AFF3: variants seen among roughly 807,000 people sequenced by gnomAD.
AFF3 encodes the protein AF4/FMR2 family member 3.
Under a neutral mutation model 129.7 loss-of-function variants are expected in AFF3, and 32 were observed. That is an observed-to-expected ratio of 0.25 (90% CI 0.19 to 0.33). The LOEUF is 0.33. AFF3 is among the 10% of genes least tolerant of loss of function. The pLI, the probability that AFF3 is intolerant of heterozygous loss-of-function variation, is 1.00. For missense variants in AFF3, 1,373 were observed against 1,592.0 expected (o/e 0.86, Z 2.34); for synonymous variants, 644 against 635.4 (o/e 1.01, Z -0.20).
chr2:100,070,206 T>A (rs1688059760), intron 4 of AFF3, among the ~76,000 whole-genome samples: 1 of 107,808 alleles, frequency 9.3e-6, no homozygotes, highest in African/African-American at 4.8e-5. Context: ...GTTTGGGTGG[T>A]TTTATAAAAA....
rs541238011 is a variant in AFF3, at chr2:100,059,672, T to C, written c.53+44730A>G. Among the ~76,000 whole-genome samples, 8 of 152,316 alleles carry C rather than the reference T, an allele frequency of 5.3e-5. No individual in the cohort carries two copies. In the South Asian group the frequency reaches 1.5e-3, roughly 28 times the overall value. The stretch of plus-strand genomic sequence containing the variant: ...TTGTTGTTTTAAAGAAAATGGTATG[T>C]CCTCATTTCTTCCAAATCCAAGGCA... On this transcript the variant is annotated intron_variant, in intron 4 of 24. Coordinates refer to ENST00000672756, the MANE Select transcript of AFF3 (RefSeq NM_001386135.1).
Position 99,917,499 on chromosome 2 carries a change from T to G in AFF3, c.874-79975A>C, listed in dbSNP as rs181715215. Among the ~76,000 whole-genome samples, 947 of 152,326 alleles carry G rather than the reference T, an allele frequency of 6.2e-3. 6 individuals carry two copies. The highest frequency in any genetic ancestry group is 0.011 in the Non-Finnish European group (736 of 68,026). On this transcript the variant is annotated intron_variant, in intron 7 of 24. Transcript: ENST00000672756. Reference sequence around the variant, plus strand: ...CTTTTTGTGTGAGTTCTGCCCTTGCTTCCTGTGTGCTCGCCTTGTCTCCCT... The same window carrying G: ...CTTTTTGTGTGAGTTCTGCCCTTGCGTCCTGTGTGCTCGCCTTGTCTCCCT...
intron 7 of AFF3, among the ~76,000 whole-genome samples, chr2:99,945,341 C>G (rs1675456510): frequency 6.6e-6 from 1 of 152,214 alleles, no homozygotes; most frequent in Non-Finnish European, 1.5e-5. Context: ...CTTGAAGACT[C>G]ATGGCAAATA....
At chr2:99,847,785 C>A (rs1360711227) in intron 7 of AFF3, among the ~76,000 whole-genome samples, 1 of 151,984 alleles carries the variant, frequency 6.6e-6, no homozygotes, top group Non-Finnish European at 1.5e-5. Flanking sequence ...ATAAAGTTAG[C>A]CCCGGGTGAT....
At chr2:99,729,664 T>G (rs1679648599) in intron 10 of AFF3, among the ~76,000 whole-genome samples, 2 of 152,274 alleles carry the variant, frequency 1.3e-5, no homozygotes, top group Admixed American at 1.3e-4. Flanking sequence ...GTCTCTTTAT[T>G]AGGACCCAAG....
At chr2:99,563,857 T>G (rs929717204) in intron 20 of AFF3, among the ~76,000 whole-genome samples, 9 of 151,190 alleles carry the variant, frequency 6.0e-5, no homozygotes, top group African/African-American at 2.2e-4. Flanking sequence ...AGAGCCAAAT[T>G]TGTCTTTTTG....
At chr2:100,032,795 C>T (rs754076754) in intron 4 of AFF3, among the ~76,000 whole-genome samples, 1 of 152,110 alleles carries the variant, frequency 6.6e-6, no homozygotes, top group Non-Finnish European at 1.5e-5. Context: ...TTGCCTATCC[C>T]TGCATCAACA....
chr2:100,046,487 C>T (rs1685846227), intron 4 of AFF3, among the ~76,000 whole-genome samples: 1 of 152,178 alleles, frequency 6.6e-6, no homozygotes, highest in Non-Finnish European at 1.5e-5. Context: ...TTTCGACTGG[C>T]ACTGTTGGAC....
intron 7 of AFF3, among the ~76,000 whole-genome samples, chr2:99,927,146 A>G (rs1696310019): frequency 6.6e-6 from 1 of 152,226 alleles, no homozygotes; most frequent in South Asian, 2.1e-4. Flanking sequence ...CACAAGCCAA[A>G]GCTTGCTTCA....
intron 4 of AFF3, among the ~76,000 whole-genome samples, chr2:100,104,151 G>C (rs1358866142): frequency 6.6e-6 from 1 of 152,128 alleles, no homozygotes; most frequent in Non-Finnish European, 1.5e-5. Flanking sequence ...TGGCTACCTA[G>C]ATCACCAGTC....
At chr2:99,882,218 A>G (rs1692776149) in intron 7 of AFF3, among the ~76,000 whole-genome samples, 1 of 152,174 alleles carries the variant, frequency 6.6e-6, no homozygotes, top group Non-Finnish European at 1.5e-5. Flanking sequence ...AAATGAAGAC[A>G]CAAGTAACTG....
chr2:100,064,125 G>T (rs1687528687), intron 4 of AFF3, among the ~76,000 whole-genome samples: 2 of 135,596 alleles, frequency 1.5e-5, no homozygotes, highest in Non-Finnish European at 3.3e-5. Flanking sequence ...GAAAAGAAAA[G>T]AAAAGAAATT....
At chr2:99,692,159 C>CA (rs2104673597) in intron 11 of AFF3, among the ~76,000 whole-genome samples, 1 of 152,312 alleles carries the variant, frequency 6.6e-6, no homozygotes, top group East Asian at 1.9e-4. Flanking sequence ...CCCTGGCCCA[C>CA]ACCCTTCCTC....
chr2:99,552,639 G>A (rs561676529), intron 24 of AFF3, among the ~76,000 whole-genome samples: 3 of 152,302 alleles, frequency 2.0e-5, no homozygotes, highest in Non-Finnish European at 2.9e-5. Flanking sequence ...GACTTGCTGG[G>A]GCAGGGATGG....
At chr2:99,814,211 A>G (rs1261441948) in intron 8 of AFF3, among the ~76,000 whole-genome samples, 1 of 151,750 alleles carries the variant, frequency 6.6e-6, no homozygotes, top group Non-Finnish European at 1.5e-5. Flanking sequence ...AGCCTAAGTA[A>G]AAGAGCTTCT....
chr2:99,736,266 T>C (rs1394682806), intron 10 of AFF3, among the ~76,000 whole-genome samples: 1 of 152,234 alleles, frequency 6.6e-6, no homozygotes, highest in Non-Finnish European at 1.5e-5. Flanking sequence ...ACTTTTACTT[T>C]TAAAAATTTG....
intron 18 of AFF3, chr2:99,572,624 A>T: frequency 2.2e-6 from 1 of 455,930 alleles, no homozygotes; most frequent in Non-Finnish European, 4.4e-6. Flanking sequence ...AAATCAGACA[A>T]ATAGGCAACT....
At chr2:100,036,084 G>T (rs549464924) in intron 4 of AFF3, among the ~76,000 whole-genome samples, 99 of 134,296 alleles carry the variant, frequency 7.4e-4, no homozygotes, top group African/African-American at 2.6e-3. Context: ...AAATTGATAT[G>T]GTTCTAATCA....
intron 16 of AFF3, among the ~76,000 whole-genome samples, chr2:99,586,626 C>G (rs546348705): frequency 6.6e-6 from 1 of 152,302 alleles, no homozygotes; most frequent in South Asian, 2.1e-4. Flanking sequence ...CCATTCATCA[C>G]AGAGGGGAGT....
Sources: allele counts gnomAD v4.1 joint callset (sites outside exome capture counted in the v4.1 genomes callset), GRCh38; gene constraint gnomAD v4.1.1; transcripts MANE v1.5; gene names NCBI Gene and HGNC (gene_info 2026-07-23, HGNC 2026-07-21).